The following SYNE2 variants were observed in gnomAD, a reference collection of about 807,000 sequenced individuals.
SYNE2 encodes nesprin-2.
Under a neutral mutation model 856.3 loss-of-function variants are expected in SYNE2, and 431 were observed. The observed-to-expected ratio is 0.50, with a 90% CI of 0.47 to 0.55. SYNE2 has a LOEUF of 0.55. Among genes scored for constraint, SYNE2 ranks in the 20% least tolerant of loss-of-function variants. The pLI, the probability that SYNE2 is intolerant of heterozygous loss-of-function variation, is 0.00. For missense variants in SYNE2, 8,129 were observed against 8,023.2 expected, an observed-to-expected ratio of 1.01 and a Z score of -0.50; for synonymous variants, 2,923 against 2,872.3, an observed-to-expected ratio of 1.02 and a Z score of -0.56.
intron 1 of SYNE2, among the ~76,000 whole-genome samples, chr14:63,816,530 C>T (rs567731284): frequency 2.0e-5 from 3 of 152,126 alleles, no homozygotes; most frequent in African/African-American, 7.2e-5. Context: ...CTCCTCCCAC[C>T]CTTCTTCCCT....
chr14:64,224,570 G>A, intron 114 of SYNE2, 23 bp downstream of exon 114: 1 of 1,613,368 alleles, frequency 6.2e-7, no homozygotes, highest in Non-Finnish European at 8.5e-7. Flanking sequence ...TTCCTTCTGT[G>A]AGAACCTCAC....
Position 64,102,008 on chromosome 14 carries a change from A to G in SYNE2, c.12458A>G (p.Asp4153Gly). Residue 4153 changes from aspartate to glycine, a missense_variant, in exon 64 of 116, where the codon GAC (aspartate) becomes GGC (glycine). By Grantham distance (94) the Asp-to-Gly change is moderately conservative (BLOSUM62 -1). This residue lies in a region of SYNE2 where 5,410 missense variants were observed against 5,284.8 expected (regional missense o/e 1.02). Transcript: ENST00000555002. ...LWKHDKDMEEDRASSSSGTIV... is the reference protein window; with the variant it reads ...LWKHDKDMEEGRASSSSGTIV... ...AAGCATGACAAGGACATGGAAGAAG[A>G]CAGAGCTTCCTCATCCTCTGGAACA... is the stretch of plus-strand genomic sequence containing the variant. 6.2e-7 allele frequency: 1 copy of G among 1,614,010 alleles called. No individual in the cohort carries two copies. The highest frequency in any genetic ancestry group is 1.1e-5 in the South Asian group (1 of 91,074).
chr14:63,972,727 C>G (rs772867631), intron 11 of SYNE2, among the ~76,000 whole-genome samples: 3 of 152,168 alleles, frequency 2.0e-5, no homozygotes, highest in Non-Finnish European at 4.4e-5. Flanking sequence ...TGTTCTTCGT[C>G]TTCTGCCTGC....
chr14:63,931,704 T>C (rs1196656639), intron 2 of SYNE2, among the ~76,000 whole-genome samples: 2 of 152,192 alleles, frequency 1.3e-5, no homozygotes, highest in Non-Finnish European at 2.9e-5. Flanking sequence ...CAAATATTTA[T>C]TGAGGATGTT....
intron 10 of SYNE2, among the ~76,000 whole-genome samples, chr14:63,967,155 C>T (rs1367567789): frequency 2.0e-5 from 3 of 152,228 alleles, no homozygotes; most frequent in East Asian, 3.9e-4. Context: ...TGAGCCACCG[C>T]GCCTGGCCTG....
In SYNE2 at chr14:63,814,703, TATATATCC is replaced by T. The variant is rs778573349; in HGVS notation, c.-304-37791_-304-37784del. On this transcript the variant is annotated intron_variant, in intron 1 of 23. Transcript: ENST00000674003. The stretch of plus-strand genomic sequence containing the variant: ...CCATATATATCCATATATATATCCA[TATATATCC>T]ATATATATCCATATATATATCCATA... 4.0e-4 allele frequency among the ~76,000 whole-genome samples: 54 copies of T among 135,016 alleles called. 1 individual carries two copies. The South Asian group carries it at 6.0e-3, about 15-fold the overall frequency. 88.6% of individuals were successfully genotyped at this position (135,016 alleles called of 152,430 possible). A position where few individuals can be genotyped will look rare whatever the true frequency, so the allele number is the denominator to read the frequency against.
intron 6 of SYNE2, among the ~76,000 whole-genome samples, chr14:63,947,704 G>A (rs1463566568): frequency 1.3e-5 from 2 of 152,122 alleles, no homozygotes; most frequent in East Asian, 1.9e-4. Context: ...GGGCATGGTG[G>A]TGCATGCCTG....
intron 1 of SYNE2, among the ~76,000 whole-genome samples, chr14:63,839,310 T>A (rs996212572): frequency 6.6e-6 from 1 of 152,186 alleles, no homozygotes; most frequent in African/African-American, 2.4e-5. Flanking sequence ...ATTACAGGTG[T>A]GAGCCACCGC....
At position 63,982,624 on chromosome 14, in the gene SYNE2, A is replaced by G; in HGVS notation, c.1837-6A>G. 1 of 1,613,856 alleles carries G rather than the reference A, an allele frequency of 6.2e-7. No individual in the cohort carries two copies. Among genetic ancestry groups the G allele is most frequent in the Non-Finnish European group, 8.5e-7 (1 of 1,179,798 alleles). ...TAAGATAGTGTGTTGCTTGTGTATC[A>G]TGTAGGTACCCTTTGAGACACTAGC... On this transcript the variant is annotated splice_polypyrimidine_tract_variant and splice_region_variant and intron_variant, in intron 16 of 115. Coordinates refer to ENST00000555002, the MANE Select transcript of SYNE2 (RefSeq NM_182914.3).
intron 6 of SYNE2, among the ~76,000 whole-genome samples, chr14:63,944,823 G>GTTTTTTT (rs2095995950): frequency 4.6e-5 from 3 of 65,782 alleles, no homozygotes; most frequent in Admixed American, 1.6e-4. Flanking sequence ...TGGGCTTAAA[G>GTTTTTTT]CTTTTTTTTT....
In SYNE2 at chr14:64,143,929, A is replaced by G. The variant is rs112886641; in HGVS notation, c.15464A>G (p.His5155Arg). The G allele has an allele frequency of 1.5e-5, 25 of 1,614,080 alleles. No individual in the cohort carries two copies. In the African/African-American group the frequency reaches 1.6e-4, roughly 10 times the overall value. The stretch of plus-strand genomic sequence containing the variant: ...ATGAACCGCCAGTGGCACCGTGTAC[A>G]TGGAATGCTGAATAGAAAGGTGTGT... ...GEMNRQWHRV[H>R]GMLNRKIQHL... Residue 5155 changes from histidine to arginine, a missense_variant, in exon 83 of 116, where the codon CAT becomes CGT. His to Arg is a conservative substitution (Grantham distance 29). Coordinates refer to ENST00000555002, the MANE Select transcript of SYNE2 (RefSeq NM_182914.3).
Position 63,931,595 on chromosome 14 carries a change from A to G in SYNE2, c.80-9019A>G, listed in dbSNP as rs2095756548. 4.6e-5 allele frequency among the ~76,000 whole-genome samples: 7 copies of G among 152,036 alleles called. No individual in the cohort carries two copies. The South Asian group carries it at 8.3e-4, about 18-fold the overall frequency. Reference sequence around the variant, plus strand: ...AAAGAAAGAAACAAAAAGAGAAGACATAGGCCTAGTATAACTGTTGCCAAT... The same window carrying G: ...AAAGAAAGAAACAAAAAGAGAAGACGTAGGCCTAGTATAACTGTTGCCAAT... On this transcript the variant is annotated intron_variant, in intron 2 of 115. Coordinates refer to ENST00000555002, the MANE Select transcript of SYNE2 (RefSeq NM_182914.3).
intron 21 of SYNE2, among the ~76,000 whole-genome samples, chr14:63,992,879 G>T (rs1201309605): frequency 6.6e-6 from 1 of 152,098 alleles, no homozygotes; most frequent in Admixed American, 6.5e-5. Flanking sequence ...ACCTGCAGCC[G>T]GTCCATAAAA....
intron 45 of SYNE2, among the ~76,000 whole-genome samples, chr14:64,047,196 G>A (rs529857659): frequency 2.6e-5 from 4 of 152,336 alleles, no homozygotes; most frequent in Admixed American, 2.6e-4. Context: ...GCTGGAGGGG[G>A]GATGGGAAGG....
rs1357742685 is a variant in SYNE2 at position 64,125,347 on chromosome 14, T to C, written c.13554+137T>C. The C allele has an allele frequency of 3.9e-6, 5 of 1,296,568 alleles. No individual in the cohort carries two copies. In the African/African-American group the frequency reaches 4.4e-5, roughly 12 times the overall value. The allele number at this position is 1,296,568 out of a possible 1,614,324, so 80.3% of individuals were successfully genotyped here. ...ATGGAATGGGTCCTAGGATTGCAAA[T>C]TGAATTGATCTTGCTTGCCAACTCT... is the stretch of plus-strand genomic sequence containing the variant. On this transcript the variant is annotated intron_variant, in intron 71 of 115. Coordinates refer to ENST00000555002, the MANE Select transcript of SYNE2 (RefSeq NM_182914.3).
intron 2 of SYNE2, among the ~76,000 whole-genome samples, chr14:63,910,914 A>G (rs2095465812): frequency 6.6e-6 from 1 of 152,164 alleles, no homozygotes; most frequent in South Asian, 2.1e-4. Flanking sequence ...TAGAAACTTC[A>G]TGATCTATAG....
Position 64,162,416 on chromosome 14 carries a change from T to C in SYNE2, c.16299+140T>C, listed in dbSNP as rs2098336646. On this transcript the variant is annotated intron_variant, in intron 88 of 115. Coordinates refer to ENST00000555002, the MANE Select transcript of SYNE2 (RefSeq NM_182914.3). The stretch of plus-strand genomic sequence containing the variant: ...TGCTGTGAACTTGCCATGTAGGACA[T>C]AGGCAAGGCTGGGAGGACCAGGTGG... 3.4e-5 allele frequency: 30 copies of C among 891,450 alleles called. No homozygotes were observed. The South Asian group carries it at 3.9e-4, about 12-fold the overall frequency. The allele number at this position is 891,450 out of a possible 1,614,324, so 55.2% of individuals were successfully genotyped here. A position where few individuals can be genotyped will look rare whatever the true frequency, so the allele number is the denominator to read the frequency against.
intron 11 of SYNE2, among the ~76,000 whole-genome samples, chr14:63,974,878 GTGTGTGTGTGTGTGTATA>G (rs2096524681): frequency 6.8e-5 from 2 of 29,356 alleles, no homozygotes; most frequent in African/African-American, 1.1e-4. Flanking sequence ...GTGTGTGTGT[GTGTGTGTGTGTGTGTATA>G]TATATATATA....
chr14:63,989,279 A>C (rs1397302778), intron 19 of SYNE2, among the ~76,000 whole-genome samples: 1 of 152,184 alleles, frequency 6.6e-6, no homozygotes, highest in South Asian at 2.1e-4. Context: ...AGTCATGTCT[A>C]TCCCTACTCT....
Sources: allele counts gnomAD v4.1 joint callset (sites outside exome capture counted in the v4.1 genomes callset), GRCh38; gene constraint gnomAD v4.1.1; regional missense constraint gnomAD v4.1.1; transcripts MANE v1.5; gene names NCBI Gene and HGNC (gene_info 2026-07-23, HGNC 2026-07-21).